Variants in CCDC171 observed in about 807,000 individuals in gnomAD.
CCDC171 encodes the protein coiled-coil domain containing 171, also known as coiled-coil domain-containing protein 171.
In CCDC171, 177 loss-of-function variants were observed where a neutral mutation model predicts 168.2. That is an observed-to-expected ratio of 1.05 (90% CI 0.93 to 1.19). CCDC171 has a LOEUF of 1.19. Among genes scored for constraint, CCDC171 ranks in the 50% most tolerant of loss-of-function variants. The pLI, the probability that CCDC171 is intolerant of heterozygous loss-of-function variation, is 0.00. For missense variants in CCDC171, 1,991 were observed against 1,539.0 expected (o/e 1.29, Z -4.91); for synonymous variants, 687 against 540.8 (o/e 1.27, Z -3.75).
intron 25 of CCDC171, among the ~76,000 whole-genome samples, chr9:15,950,330 A>C (rs923401073): frequency 1.3e-5 from 2 of 152,132 alleles, no homozygotes; most frequent in African/African-American, 4.8e-5. Flanking sequence ...TGTCTGATTC[A>C]CCAAAGTTGA....
intron 18 of CCDC171, among the ~76,000 whole-genome samples, chr9:15,753,176 A>C (rs1005994400): frequency 6.6e-6 from 1 of 152,136 alleles, no homozygotes; most frequent in Non-Finnish European, 1.5e-5. Flanking sequence ...TTTTAATGCT[A>C]CAAGAATCTA....
At chr9:15,674,104 C>G (rs1381436233) in intron 9 of CCDC171, among the ~76,000 whole-genome samples, 3 of 152,066 alleles carry the variant, frequency 2.0e-5, no homozygotes, top group Non-Finnish European at 2.9e-5. Flanking sequence ...AGGAATTTAT[C>G]CATTTCTTCT....
At chr9:15,768,956 C>G (rs939041664) in intron 18 of CCDC171, among the ~76,000 whole-genome samples, 2 of 152,168 alleles carry the variant, frequency 1.3e-5, no homozygotes, top group African/African-American at 4.8e-5. Flanking sequence ...TGACCAGATT[C>G]TCATCTGTTT....
intron 10 of CCDC171, among the ~76,000 whole-genome samples, chr9:15,680,910 C>G (rs1313401671): frequency 6.6e-6 from 1 of 152,098 alleles, no homozygotes; most frequent in Non-Finnish European, 1.5e-5. Flanking sequence ...GACATAATCA[C>G]CAATATAGGT....
chr9:15,556,321 T>A (rs2038794135), intron 1 of CCDC171, among the ~76,000 whole-genome samples: 1 of 152,180 alleles, frequency 6.6e-6, no homozygotes, highest in South Asian at 2.1e-4. Flanking sequence ...CCATACTGTC[T>A]TCCACAATGG....
chr9:15,779,145 C>A lies in CCDC171; in HGVS notation c.3076C>A (p.Gln1026Lys). The change falls in exon 20 of 26, where the codon CAG (glutamine) becomes AAG (lysine). Residue 1026 changes from glutamine (Q) to lysine (K), a missense_variant. By Grantham distance (53) the Gln-to-Lys change is moderately conservative. Coordinates refer to ENST00000380701, the MANE Select transcript of CCDC171 (RefSeq NM_173550.4). The part of the protein sequence containing the change: ...GLQMQLNEFK[Q>K]SKLITHEKFE... ...GCAAATGCAATTAAATGAATTTAAG[C>A]AGTCTGTAAGTATATATCATTTAGG... 6.4e-7 allele frequency: 1 copy of A among 1,567,878 alleles called. No individual in the cohort carries two copies. Among genetic ancestry groups the A allele is most frequent in the Non-Finnish European group, 8.6e-7 (1 of 1,158,490 alleles).
At chr9:15,564,207 C>A in intron 2 of CCDC171, 78 bp downstream of exon 2, 3 of 1,059,600 alleles carry the variant, frequency 2.8e-6, no homozygotes, top group South Asian at 1.4e-5. Context: ...GGTTGTAGAG[C>A]TAACTGTAAG....
At chr9:15,572,317 C>T (rs1225429487) in intron 3 of CCDC171, among the ~76,000 whole-genome samples, 2 of 151,944 alleles carry the variant, frequency 1.3e-5, no homozygotes, top group Non-Finnish European at 2.9e-5. Flanking sequence ...TGTGTTTTTT[C>T]TCCTTTTTTC....
chr9:15,799,470 A>G (rs1469890378), intron 21 of CCDC171, among the ~76,000 whole-genome samples: 2 of 151,524 alleles, frequency 1.3e-5, no homozygotes, highest in African/African-American at 4.9e-5. Context: ...TTTAATTTTT[A>G]ATTTTTAATG....
chr9:15,883,374 G>T (rs1435087257), intron 24 of CCDC171, among the ~76,000 whole-genome samples: 1 of 151,910 alleles, frequency 6.6e-6, no homozygotes, highest in Admixed American at 6.6e-5. Flanking sequence ...TATTTTAAAA[G>T]ATTTATTGTA....
intron 21 of CCDC171, among the ~76,000 whole-genome samples, chr9:15,831,515 A>G (rs141228037): frequency 6.6e-6 from 1 of 152,310 alleles, no homozygotes; most frequent in Admixed American, 6.5e-5. Flanking sequence ...TTATACTAAT[A>G]AACATCTTTG....
intron 6 of CCDC171, among the ~76,000 whole-genome samples, chr9:15,607,032 G>A (rs1431883675): frequency 1.3e-5 from 2 of 152,102 alleles, no homozygotes; most frequent in Non-Finnish European, 2.9e-5. Flanking sequence ...ATTGCATGAG[G>A]TATTTTTGTA....
At chr9:15,803,891 C>T (rs2058948816) in intron 21 of CCDC171, among the ~76,000 whole-genome samples, 1 of 151,858 alleles carries the variant, frequency 6.6e-6, no homozygotes, top group Non-Finnish European at 1.5e-5. Context: ...TTTTTCCTAT[C>T]TGTGAGCATG....
intron 1 of CCDC171, among the ~76,000 whole-genome samples, chr9:15,561,220 C>T (rs1345570809): frequency 6.6e-6 from 1 of 151,976 alleles, no homozygotes; most frequent in Non-Finnish European, 1.5e-5. Flanking sequence ...TGAAATGAGA[C>T]AATATGTAGA....
intron 9 of CCDC171, among the ~76,000 whole-genome samples, chr9:15,678,216 G>T (rs987065485): frequency 6.6e-6 from 1 of 151,654 alleles, no homozygotes; most frequent in Non-Finnish European, 1.5e-5. Context: ...TGGCCTATCT[G>T]AGCAAAATTT....
intron 25 of CCDC171, among the ~76,000 whole-genome samples, chr9:15,928,338 C>T (rs1034998659): frequency 1.3e-5 from 2 of 151,698 alleles, no homozygotes; most frequent in South Asian, 2.1e-4. Flanking sequence ...ATGAAGATTA[C>T]GTCGGAGTTG....
intron 18 of CCDC171, among the ~76,000 whole-genome samples, chr9:15,758,853 C>T (rs369807318): frequency 7.2e-5 from 11 of 152,142 alleles, no homozygotes; most frequent in African/African-American, 1.7e-4. Flanking sequence ...ATGTGAGATA[C>T]GCCTTTCATC....
chr9:15,691,738 C>T (rs1426026640), intron 10 of CCDC171, among the ~76,000 whole-genome samples: 1 of 151,968 alleles, frequency 6.6e-6, no homozygotes, highest in African/African-American at 2.4e-5. Context: ...AGTGCAGTGG[C>T]ACAATGATGC....
intron 18 of CCDC171, among the ~76,000 whole-genome samples, chr9:15,760,863 A>G (rs141843591): frequency 5.3e-5 from 8 of 152,070 alleles, no homozygotes; most frequent in African/African-American, 1.9e-4. Flanking sequence ...TCTTGCTTTC[A>G]TTATAGTGTT....
Sources: allele counts gnomAD v4.1 joint callset (sites outside exome capture counted in the v4.1 genomes callset), GRCh38; gene constraint gnomAD v4.1.1; transcripts MANE v1.5; gene names NCBI Gene and HGNC (gene_info 2026-07-23, HGNC 2026-07-21).